KCNH6: variants seen among roughly 807,000 people sequenced by gnomAD.
KCNH6 encodes the protein voltage-gated inwardly rectifying potassium channel KCNH6.
In KCNH6, 81 loss-of-function variants were observed where a neutral mutation model predicts 83.4. The observed-to-expected ratio is 0.97, with a 90% CI of 0.81 to 1.17. KCNH6 has a LOEUF of 1.17. KCNH6 is among the 50% of genes most tolerant of loss of function. The pLI, the probability that KCNH6 is intolerant of heterozygous loss-of-function variation, is 0.00. For missense variants in KCNH6, 1,203 were observed against 1,290.5 expected, an observed-to-expected ratio of 0.93 and a Z score of 1.04; for synonymous variants, 503 against 545.6, an observed-to-expected ratio of 0.92 and a Z score of 1.09.
Position 63,533,827 on chromosome 17 carries a change from G to A in KCNH6, c.676-59G>A. On this transcript the variant is annotated intron_variant, in intron 4 of 12. Coordinates refer to ENST00000314672, the MANE Select transcript of KCNH6 (RefSeq NM_001278919.2). This position sits in a 1 kb window ranked among gnomAD's most constrained non-coding sequence, Gnocchi z 4.1. ...ACCTTCCCCAGGCCTCAGCCCTCTA[G>A]GCCAGTCTCACCAGCAGTGGCTGCC... The A allele has an allele frequency of 6.5e-7, 1 of 1,534,670 alleles. No individual in the cohort carries two copies. Among genetic ancestry groups the A allele is most frequent in the African/African-American group, 1.4e-5 (1 of 73,886 alleles).
chr17:63,545,124 C>T lies in KCNH6; in HGVS notation c.2443C>T (p.Leu815Phe), dbSNP rs753006259. The T allele has an allele frequency of 6.2e-7, 1 of 1,613,814 alleles. No homozygotes were observed. Among genetic ancestry groups the T allele is most frequent in the Non-Finnish European group, 8.5e-7 (1 of 1,180,030 alleles). ...SSDLSRILQL[L>F]QKPMPQGHAS... The stretch of plus-strand genomic sequence containing the variant: ...AGACCTCAGCCGCATCTTGCAGCTC[C>T]TCCAGAAGCCCATGCCCCAGGGCCA... Residue 815 changes from leucine (L) to phenylalanine (F), a missense_variant, in exon 12 of 13, where the codon CTC becomes TTC. Physicochemically the swap from Leu to Phe is conservative, Grantham distance 22. Coordinates refer to ENST00000314672, the MANE Select transcript of KCNH6 (RefSeq NM_001278919.2).
Position 63,535,585 on chromosome 17 carries a change from T to C in KCNH6, c.1102-84T>C. On this transcript the variant is annotated intron_variant, in intron 5 of 12. Coordinates refer to ENST00000314672, the MANE Select transcript of KCNH6 (RefSeq NM_001278919.2). This position sits in a 1 kb window ranked among gnomAD's most constrained non-coding sequence, Gnocchi z 4.9. ...TGTTTGTTGAATGAGTATGTGGTTG[T>C]ATGCATGAGTGAACAAAAGCAGGCC... The C allele has an allele frequency of 7.8e-7, 1 of 1,279,770 alleles. No individual in the cohort carries two copies. Among genetic ancestry groups the C allele is most frequent in the Non-Finnish European group, 1.1e-6 (1 of 922,120 alleles). The allele number at this position is 1,279,770 out of a possible 1,614,324, so 79.3% of individuals were successfully genotyped here.
At chr17:63,547,004 C>G (rs1323500944), downstream of KCNH6, among the ~76,000 whole-genome samples, 7 of 152,184 alleles carry the variant, frequency 4.6e-5, no homozygotes, top group Non-Finnish European at 1.0e-4. Flanking sequence ...GCTGACAGCT[C>G]TGCAGATACT....
At chr17:63,526,809 A>G (rs2031745700) in intron 2 of KCNH6, among the ~76,000 whole-genome samples, 1 of 152,152 alleles carries the variant, frequency 6.6e-6, no homozygotes, top group Admixed American at 6.5e-5. Context: ...TTGTGTTCAC[A>G]TAGCTCCACG....
At chr17:63,524,059 CAA>C in intron 1 of KCNH6, 78 bp from the exon 2 acceptor site, 1 of 986,834 alleles carries the variant, frequency 1.0e-6, no homozygotes, top group Non-Finnish European at 1.6e-6. Flanking sequence ...TTACTGCCAC[CAA>C]GAGTCCTTAT....
In KCNH6 at chr17:63,545,239, C is replaced by G; in HGVS notation, c.2558C>G (p.Pro853Arg). ...ACGACGAGTCCAGGGCCCAGGCTGC[C>G]CCAGGGCTTTCTGCCTCCTGCACAG... ...SETTSPGPRL[P>R]QGFLPPAQTP... Residue 853 changes from proline (P) to arginine (R), a missense_variant, in exon 12 of 13, where the codon CCC (proline) becomes CGC (arginine). By Grantham distance (103) the Pro-to-Arg change is moderately radical. Coordinates refer to ENST00000314672, the MANE Select transcript of KCNH6 (RefSeq NM_001278919.2). 6.2e-7 allele frequency: 1 copy of G among 1,613,596 alleles called. No individual in the cohort carries two copies. Among genetic ancestry groups the G allele is most frequent in the Non-Finnish European group, 8.5e-7 (1 of 1,180,022 alleles).
At position 63,537,837 on chromosome 17, in the gene KCNH6, G is replaced by A. The variant is rs193076852; in HGVS notation, c.1502-228G>A. ...CTTCTTTCTTCTCGGGAGTTTGACCGCTAGGCCCAGTAAGATGCCAAGAGG... is the reference window on the plus strand; with the variant it reads ...CTTCTTTCTTCTCGGGAGTTTGACCACTAGGCCCAGTAAGATGCCAAGAGG... On this transcript the variant is annotated intron_variant, in intron 6 of 12. Transcript: ENST00000314672. Among the ~76,000 whole-genome samples the A allele has an allele frequency of 7.9e-5, 12 of 152,298 alleles. No individual in the cohort carries two copies. In the East Asian group the frequency reaches 2.1e-3, roughly 27 times the overall value.
chr17:63,523,511 C>T lies in KCNH6; in HGVS notation c.76+22C>T, dbSNP rs1292942460. 9 of 1,573,154 alleles carry T rather than the reference C, an allele frequency of 5.7e-6. No individual in the cohort carries two copies. The African/African-American group carries it at 8.5e-5, about 15-fold the overall frequency. On this transcript the variant is annotated intron_variant, in intron 1 of 12. Coordinates refer to ENST00000314672, the MANE Select transcript of KCNH6 (RefSeq NM_001278919.2). The surrounding 1 kb of genome is among the most constrained non-coding windows in gnomAD (Gnocchi z 4.2). ...CAAAGTGAGTGTGTGTATGTTGGGG[C>T]GGGGGGACGATCTGGAGTCCTGGTT... is the stretch of plus-strand genomic sequence containing the variant.
downstream of KCNH6, chr17:63,548,945 AGT>A (rs958337132): frequency 6.6e-6 from 1 of 151,974 alleles, no homozygotes; most frequent in Non-Finnish European, 1.5e-5. Flanking sequence ...CGGGCGACAG[AGT>A]GAGACTCCAT....
At chr17:63,544,557 C>G in intron 11 of KCNH6, 146 bp downstream of exon 11, 1 of 633,854 alleles carries the variant, frequency 1.6e-6, no homozygotes, top group African/African-American at 1.9e-5. Flanking sequence ...AAGCACAATT[C>G]CCCCAATGAC....
chr17:63,528,829 T>TTTTGTTTG (rs61588369), intron 2 of KCNH6, among the ~76,000 whole-genome samples: 57,442 of 150,418 alleles, frequency 0.38, 11,310 homozygotes, highest in African/African-American at 0.45. Flanking sequence ...GTATGGGGTA[T>TTTTGTTTG]TTTGTTTGTT....
chr17:63,528,104 C>T (rs2031836511), intron 2 of KCNH6, among the ~76,000 whole-genome samples: 2 of 152,206 alleles, frequency 1.3e-5, no homozygotes, highest in Non-Finnish European at 2.9e-5. Context: ...CTGCCCTCTC[C>T]CTGCCCCCTG....
chr17:63,541,440 G>A (rs1265341888), intron 8 of KCNH6, among the ~76,000 whole-genome samples: 1 of 148,430 alleles, frequency 6.7e-6, no homozygotes, highest in African/African-American at 2.6e-5. Context: ...AGGCCACCAT[G>A]CCCTGCTAAT....
chr17:63,537,468 T>G (rs567119119), intron 6 of KCNH6, among the ~76,000 whole-genome samples: 8 of 152,136 alleles, frequency 5.3e-5, no homozygotes, highest in Admixed American at 2.0e-4. Flanking sequence ...ACAGTCTCAT[T>G]CTGTCGCCCA....
In KCNH6 at chr17:63,530,175, ACC is replaced by A. The variant is rs776843692; in HGVS notation, c.393_394del (p.Leu132GlyfsTer73). ...ATCATGTTCATTCTCAACTTCGAGG[ACC>A]TGGCCCAGCTCCTGGCCAAGTGCAG... On this transcript the variant is annotated frameshift_variant, in exon 3 of 13. Coordinates refer to ENST00000314672, the MANE Select transcript of KCNH6 (RefSeq NM_001278919.2). LOFTEE classifies it high-confidence loss of function. 8 of 1,613,992 alleles carry A rather than the reference ACC, an allele frequency of 5.0e-6. No individual in the cohort carries two copies. The Admixed American group carries it at 1.3e-4, about 27-fold the overall frequency.
Position 63,534,125 on chromosome 17 carries a change from C to T in KCNH6, c.915C>T (p.Leu305=). 6.6e-7 allele frequency: 1 copy of T among 1,525,612 alleles called. No individual in the cohort carries two copies. 94.5% of individuals were successfully genotyped at this position (1,525,612 alleles called of 1,614,324 possible). The part of the protein sequence containing the change: ...YTCSPLTVVD[L]IVDIMFVVDI... ...GCAGTCCCCTCACTGTGGTGGATCT[C>T]ATCGTGGACATCATGTTCGTCGTGG... The change falls in exon 5 of 13, where the codon CTC becomes CTT. Residue 305 remains leucine, a synonymous_variant. Coordinates refer to ENST00000314672, the MANE Select transcript of KCNH6 (RefSeq NM_001278919.2). The surrounding 1 kb of genome is among the most constrained non-coding windows in gnomAD (Gnocchi z 5.0).
chr17:63,530,068 C>G (rs747432560), intron 2 of KCNH6, 23 bp from the exon 3 acceptor site: 2 of 1,610,972 alleles, frequency 1.2e-6, no homozygotes, highest in East Asian at 2.2e-5. Context: ...GCCCACCCCC[C>G]ATCCTCCCAA....
chr17:63,543,455 C>G, intron 9 of KCNH6, 121 bp from the exon 10 acceptor site: 1 of 697,800 alleles, frequency 1.4e-6, no homozygotes, highest in Non-Finnish European at 2.6e-6. Context: ...CGCTGCTGTG[C>G]CCAGCTGCTT....
At position 63,546,239 on chromosome 17, in the gene KCNH6, CAAAAA is replaced by C. The variant is rs79018117; in HGVS notation, c.*351_*355del. ...TGGGTGACAGAGTGAGACTCCAACT[CAAAAA>C]AAAAAAAAAAAAAGATCTTGGGGAG... is the stretch of plus-strand genomic sequence containing the variant. On this transcript the variant is annotated 3_prime_UTR_variant, in exon 13 of 13. Transcript: ENST00000314672. 4.3e-4 allele frequency: 28 copies of C among 65,518 alleles called. No homozygotes were observed. The highest frequency in any genetic ancestry group is 1.1e-3 in the Admixed American group (6 of 5,626). The allele number at this position is 65,518 out of a possible 1,614,324, so 4.1% of individuals were successfully genotyped here.
Sources: allele counts gnomAD v4.1 joint callset (sites outside exome capture counted in the v4.1 genomes callset), GRCh38; gene constraint gnomAD v4.1.1; non-coding constraint Gnocchi (gnomAD v3.1); transcripts MANE v1.5; gene names NCBI Gene and HGNC (gene_info 2026-07-23, HGNC 2026-07-21).